ZNF823: variants seen among roughly 807,000 people sequenced by gnomAD.
ZNF823 encodes the protein zinc finger protein 823, also known as ZFP 36 for a zinc finger protein.
Under a neutral mutation model 11.4 loss-of-function variants are expected in ZNF823, and 5 were observed. That is an observed-to-expected ratio of 0.44 (90% CI 0.23 to 0.92). The LOEUF (loss-of-function observed/expected upper bound fraction) is 0.92. Ranked by LOEUF, ZNF823 falls within the 40% of genes least tolerant of loss-of-function variation. The pLI, the probability that ZNF823 is intolerant of heterozygous loss-of-function variation, is 0.24. For synonymous variants in ZNF823, 234 were observed against 250.5 expected (o/e 0.93, Z 0.62); for missense variants, 582 against 738.5 (o/e 0.79, Z 2.46).
chr19:11,733,429 G>T (rs1224363380), intron 1 of ZNF823, among the ~76,000 whole-genome samples: 1 of 151,336 alleles, frequency 6.6e-6, no homozygotes, highest in Non-Finnish European at 1.5e-5. Context: ...GGCTGGGCAT[G>T]GTGACTCACG....
At position 11,723,246 on chromosome 19, in the gene ZNF823, A is replaced by G; in HGVS notation, c.288T>C (p.Asn96=). ...SIVNKNTPRV[N]PCDSGECGEV... ...CTCCACACTCACCACTGTCACATGGATTTACTCGAGGAGTGTTCTTGTTCA... is the reference window on the plus strand; with the variant it reads ...CTCCACACTCACCACTGTCACATGGGTTTACTCGAGGAGTGTTCTTGTTCA... The change falls in exon 4 of 4, where the codon AAT becomes AAC. Residue 96 remains asparagine (N), a synonymous_variant. Coordinates refer to ENST00000341191, the MANE Select transcript of ZNF823 (RefSeq NM_001080493.4). 1 of 1,614,054 alleles carries G rather than the reference A, an allele frequency of 6.2e-7. No individual in the cohort carries two copies. The highest frequency in any genetic ancestry group is 8.5e-7 in the Non-Finnish European group (1 of 1,179,932).
chr19:11,724,106 G>T, intron 3 of ZNF823, 88 bp downstream of exon 3: 3 of 1,089,774 alleles, frequency 2.8e-6, no homozygotes, highest in Non-Finnish European at 3.9e-6. Flanking sequence ...AGCTGGGCTT[G>T]TTCATTTTCT....
chr19:11,735,275 AAAAAAC>A (rs1217980647), intron 1 of ZNF823, among the ~76,000 whole-genome samples: 31 of 96,636 alleles, frequency 3.2e-4, no homozygotes, highest in African/African-American at 1.6e-3. Context: ...ACTCCATTTC[AAAAAAC>A]AAAAAAAAAA....
Position 11,722,036 on chromosome 19 carries a change from C to T in ZNF823, c.1498G>A (p.Glu500Lys). ...KRTHTVEKPYECKTCRKAFSH... is the reference protein window; with the variant it reads ...KRTHTVEKPYKCKTCRKAFSH... Reference sequence around the variant, plus strand: ...AAGGCTTTTCTACATGTTTTACACTCATAAGGTTTTTCTACTGTGTGGGTC... The same window carrying T: ...AAGGCTTTTCTACATGTTTTACACTTATAAGGTTTTTCTACTGTGTGGGTC... Residue 500 changes from glutamate (E) to lysine (K), a missense_variant, in exon 4 of 4, where the codon GAG (glutamate) becomes AAG (lysine). Physicochemically the swap from Glu to Lys is moderately conservative, Grantham distance 56. Coordinates refer to ENST00000341191, the MANE Select transcript of ZNF823 (RefSeq NM_001080493.4). This position sits in a 1 kb window ranked among gnomAD's most constrained non-coding sequence, Gnocchi z 5.2. 2.5e-6 allele frequency: 4 copies of T among 1,613,598 alleles called. No homozygotes were observed. The East Asian group carries it at 8.9e-5, about 36-fold the overall frequency.
chr19:11,730,818 C>G (rs1157159201), intron 1 of ZNF823: 1 of 152,036 alleles, frequency 6.6e-6, no homozygotes, highest in Non-Finnish European at 1.5e-5. Context: ...CAGCACATTT[C>G]CCCCTATATG....
intron 1 of ZNF823, among the ~76,000 whole-genome samples, chr19:11,733,965 C>T (rs1239180748): frequency 1.3e-5 from 2 of 151,826 alleles, no homozygotes; most frequent in Non-Finnish European, 1.5e-5. Context: ...CCAGGTGAGG[C>T]GGCTCACATC....
In ZNF823 at chr19:11,721,905, T is replaced by C. The variant is rs963436685; in HGVS notation, c.1629A>G (p.Leu543=). The change falls in exon 4 of 4, where the codon CTA becomes CTG. Residue 543 remains leucine, a synonymous_variant. Coordinates refer to ENST00000341191, the MANE Select transcript of ZNF823 (RefSeq NM_001080493.4). ...CTCCAGTGTGAATTCTTTCATGTCG[T>C]AGAAGGCAAGTGAGCCAAGAGAATG... ...GKAFSWLTCL[L]RHERIHTGEK... 1.7e-5 allele frequency: 27 copies of C among 1,613,968 alleles called. No homozygotes were observed. Among genetic ancestry groups the C allele is most frequent in the African/African-American group, 8.0e-5 (6 of 74,908 alleles).
In ZNF823 at chr19:11,721,693, C is replaced by A; in HGVS notation, c.*8G>T. On this transcript the variant is annotated 3_prime_UTR_variant, in exon 4 of 4. Transcript: ENST00000341191. ...AAAGTACTGAATGTTTTCCCACATTCCATACATTTAGAGAGTATCTTTCCA... is the reference window on the plus strand; with the variant it reads ...AAAGTACTGAATGTTTTCCCACATTACATACATTTAGAGAGTATCTTTCCA... 2 of 1,586,720 alleles carry A rather than the reference C, an allele frequency of 1.3e-6. No homozygotes were observed. The highest frequency in any genetic ancestry group is 1.7e-6 in the Non-Finnish European group (2 of 1,167,380).
In ZNF823 at chr19:11,722,470, G is replaced by C; in HGVS notation, c.1064C>G (p.Thr355Ser). The change falls in exon 4 of 4, where the codon ACT becomes AGT. Residue 355 changes from threonine to serine, a missense_variant. Around this residue, in one of 3 missense-constraint regions of ZNF823, gnomAD observed 429 missense variants for 553.7 expected, o/e 0.77. Coordinates refer to ENST00000341191, the MANE Select transcript of ZNF823 (RefSeq NM_001080493.4). This position sits in a 1 kb window ranked among gnomAD's most constrained non-coding sequence, Gnocchi z 5.2. The stretch of plus-strand genomic sequence containing the variant: ...CTTACATTCATAGGGTTTCTCTCCA[G>C]TGTGAGTAGTTTCATGATTTCGAAC... Reference protein sequence around the residue: ...SSVRNHETTHTGEKPYECKQC... With the variant: ...SSVRNHETTHSGEKPYECKQC... 1 of 1,614,226 alleles carries C rather than the reference G, an allele frequency of 6.2e-7. No homozygotes were observed. The highest frequency in any genetic ancestry group is 8.5e-7 in the Non-Finnish European group (1 of 1,180,048).
Position 11,724,220 on chromosome 19 carries a change from C to G in ZNF823, c.165G>C (p.Gln55His). 1 of 1,610,666 alleles carries G rather than the reference C, an allele frequency of 6.2e-7. No individual in the cohort carries two copies. Among genetic ancestry groups the G allele is most frequent in the Non-Finnish European group, 8.5e-7 (1 of 1,178,274 alleles). Reference protein sequence around the residue: ...MKWEDQNIGDQCQNAKRNLRS... With the variant: ...MKWEDQNIGDHCQNAKRNLRS... ...TTAGATTTCTCTTGGCATTTTGGCA[C>G]TGATCTCCAATGTTCTGGTCCTCCC... The change falls in exon 3 of 4, where the codon CAG becomes CAC. Residue 55 changes from glutamine to histidine, a missense_variant. Coordinates refer to ENST00000341191, the MANE Select transcript of ZNF823 (RefSeq NM_001080493.4).
Position 11,738,868 on chromosome 19 carries a change from T to C in ZNF823, c.-49A>G. 6.3e-7 allele frequency: 1 copy of C among 1,596,604 alleles called. No individual in the cohort carries two copies. On this transcript the variant is annotated 5_prime_UTR_variant, in exon 1 of 4. Coordinates refer to ENST00000341191, the MANE Select transcript of ZNF823 (RefSeq NM_001080493.4). ...TGTCCTCCTTAAAAGCCAGTGTGGG[T>C]CCCAGCGCGACAGACGCTGATACAG...
chr19:11,730,139 G>C (rs1469249074), intron 1 of ZNF823, among the ~76,000 whole-genome samples: 1 of 152,028 alleles, frequency 6.6e-6, no homozygotes, highest in Non-Finnish European at 1.5e-5. Flanking sequence ...TGTTGGTCAG[G>C]GTGGTCTCAA....
intron 1 of ZNF823, among the ~76,000 whole-genome samples, chr19:11,731,877 C>T (rs759293260): frequency 4.0e-5 from 6 of 151,652 alleles, no homozygotes; most frequent in Non-Finnish European, 8.8e-5. Context: ...TGCATGGTGG[C>T]GCATGCCTGT....
rs779349027 is a variant in ZNF823 at position 11,723,129 on chromosome 19, T to C, written c.405A>G (p.Pro135=). The C allele has an allele frequency of 5.6e-6, 9 of 1,614,104 alleles. No homozygotes were observed. The Admixed American group carries it at 1.3e-4, about 24-fold the overall frequency. ...CTTTCCCACGTTGTTTATGTGTATA[T>C]GGCTTCTCTCCATATTCCTGATGCT... is the stretch of plus-strand genomic sequence containing the variant. ...SCEHQEYGEK[P]YTHKQRGKAI... is the part of the protein sequence containing the mutation. Residue 135 remains proline, a synonymous_variant, in exon 4 of 4, where the codon CCA becomes CCG. Transcript: ENST00000341191.
At chr19:11,728,361 G>A (rs1370601305) in intron 1 of ZNF823, among the ~76,000 whole-genome samples, 1 of 152,166 alleles carries the variant, frequency 6.6e-6, no homozygotes, top group Non-Finnish European at 1.5e-5. Flanking sequence ...ATTTCCTTCA[G>A]AAATTAGGGT....
chr19:11,733,317 A>C (rs1223042138), intron 1 of ZNF823, among the ~76,000 whole-genome samples: 2 of 149,054 alleles, frequency 1.3e-5, no homozygotes, highest in East Asian at 2.0e-4. Flanking sequence ...CAGCGAGCTG[A>C]GATTTCGCCA....
At chr19:11,728,113 G>A (rs1974827920) in intron 1 of ZNF823, among the ~76,000 whole-genome samples, 1 of 152,022 alleles carries the variant, frequency 6.6e-6, no homozygotes, top group Non-Finnish European at 1.5e-5. Context: ...TCCTGACCTC[G>A]TAATCCGCCC....
In ZNF823 at chr19:11,725,234, T is replaced by C; in HGVS notation, c.97A>G (p.Met33Val). The change falls in exon 2 of 4, where the codon ATG (methionine) becomes GTG (valine). Residue 33 changes from methionine to valine, a missense_variant. By Grantham distance (21) the Met-to-Val change is conservative (BLOSUM62 1). Transcript: ENST00000341191. ...PSQKSLYRNV[M>V]QETIRNLDCI... ...TCCAGGTTCCTAATGGTTTCCTGCA[T>C]GACATTTCTGTAGAGACTCTTCTGT... is the stretch of plus-strand genomic sequence containing the variant. 6.2e-7 allele frequency: 1 copy of C among 1,613,842 alleles called. No individual in the cohort carries two copies. The highest frequency in any genetic ancestry group is 1.1e-5 in the South Asian group (1 of 91,072).
chr19:11,722,808 G>T lies in ZNF823; in HGVS notation c.726C>A (p.His242Gln). ...TACATTCATACGCTTTCTCTCCCGTGTGGATTCTTTCATGTCTTAGATAGG... is the reference window on the plus strand; with the variant it reads ...TACATTCATACGCTTTCTCTCCCGTTTGGATTCTTTCATGTCTTAGATAGG... ...YSSYLRHERI[H>Q]TGEKAYECKQ... is the part of the protein sequence containing the mutation. Residue 242 changes from histidine to glutamine, a missense_variant, in exon 4 of 4, where the codon CAC (histidine) becomes CAA (glutamine). By Grantham distance (24) the His-to-Gln change is conservative. Around this residue, in one of 3 missense-constraint regions of ZNF823, gnomAD observed 429 missense variants for 553.7 expected, o/e 0.77. Transcript: ENST00000341191. The surrounding 1 kb of genome is among the most constrained non-coding windows in gnomAD (Gnocchi z 5.2). 4 of 1,614,102 alleles carry T rather than the reference G, an allele frequency of 2.5e-6. No homozygotes were observed. Among genetic ancestry groups the T allele is most frequent in the Middle Eastern group, 1.6e-4 (1 of 6,062 alleles).
Sources: gnomAD v4.1 joint callset for allele counts (sites outside exome capture counted in the v4.1 genomes callset) on GRCh38, gnomAD v4.1.1 for gene constraint, gnomAD v4.1.1 regional missense constraint, Gnocchi (gnomAD v3.1) non-coding constraint, MANE v1.5 for transcripts, NCBI Gene and HGNC (gene_info 2026-07-23, HGNC 2026-07-21) for gene names.